The following ANK2 variants were observed in gnomAD, a reference collection of about 807,000 sequenced individuals.
The protein encoded by ANK2 is ankyrin-2.
Under a neutral mutation model 360.5 loss-of-function variants are expected in ANK2, and 83 were observed. The observed-to-expected ratio is 0.23, with a 90% confidence interval of 0.19 to 0.28. ANK2 has a LOEUF of 0.28. ANK2 is among the 10% of genes least tolerant of loss of function. The pLI is 1.00. For synonymous variants in ANK2, 1,740 were observed against 1,759.5 expected, an observed-to-expected ratio of 0.99 and a Z score of 0.28; for missense variants, 4,201 against 4,795.7, an observed-to-expected ratio of 0.88 and a Z score of 3.66.
intron 1 of ANK2, among the ~76,000 whole-genome samples, chr4:112,890,733 A>C (rs369591424): frequency 6.6e-6 from 1 of 151,700 alleles, no homozygotes; most frequent in African/African-American, 2.4e-5. Flanking sequence ...ATGCCAGGCT[A>C]ATTTTGTATT....
At chr4:113,374,801 C>A in intron 45 of ANK2, 1 of 1,218,092 alleles carries the variant, frequency 8.2e-7, no homozygotes, top group Non-Finnish European at 1.1e-6. Context: ...TCCAGTACCT[C>A]ACAATTTCAG....
the ANK2 span, among the ~76,000 whole-genome samples, chr4:112,764,560 T>G: frequency 6.6e-6 from 1 of 152,152 alleles, no homozygotes; most frequent in Admixed American, 6.5e-5. Context: ...GGTCTTGAAC[T>G]TCTGACCTCA....
intron 18 of ANK2, among the ~76,000 whole-genome samples, chr4:113,284,523 C>T (rs552084715): frequency 6.6e-6 from 1 of 152,270 alleles, no homozygotes; most frequent in East Asian, 1.9e-4. Flanking sequence ...TCACTATGTC[C>T]TCCTTTACGG....
At chr4:113,108,495 T>C (rs1024448529) in intron 1 of ANK2, among the ~76,000 whole-genome samples, 2 of 152,198 alleles carry the variant, frequency 1.3e-5, no homozygotes, top group Admixed American at 1.3e-4. Context: ...TGACTCTTGC[T>C]GAGCATATAA....
intron 1 of ANK2, among the ~76,000 whole-genome samples, chr4:112,895,443 C>T (rs2081439768): frequency 6.6e-6 from 1 of 152,056 alleles, no homozygotes; most frequent in Non-Finnish European, 1.5e-5. Context: ...CATTAGTGAC[C>T]ATCAGGATTA....
intron 2 of ANK2, among the ~76,000 whole-genome samples, chr4:113,022,439 A>T (rs148225186): frequency 1.3e-5 from 2 of 152,144 alleles, no homozygotes; most frequent in African/African-American, 2.4e-5. Flanking sequence ...ACAGTGACTT[A>T]GAATGGTTTA....
chr4:113,041,794 A>C (rs2063022246), intron 2 of ANK2, among the ~76,000 whole-genome samples: 1 of 152,146 alleles, frequency 6.6e-6, no homozygotes, highest in Non-Finnish European at 1.5e-5. Flanking sequence ...GTGCAGGCAG[A>C]GTCAGTGTCT....
chr4:113,311,505 CT>C, intron 24 of ANK2, 106 bp downstream of exon 24: 1 of 1,369,438 alleles, frequency 7.3e-7, no homozygotes, highest in Non-Finnish European at 1.0e-6. Context: ...TAATAGGTAC[CT>C]TATTAATCTC....
Position 112,973,281 on chromosome 4 carries a change from G to A in ANK2, c.21+68767G>A, listed in dbSNP as rs2040229319. Among the ~76,000 whole-genome samples the A allele has an allele frequency of 2.0e-5, 3 of 151,622 alleles. No homozygotes were observed. In the South Asian group the frequency reaches 6.3e-4, roughly 32 times the overall value. On this transcript the variant is annotated intron_variant, in intron 2 of 30. Transcript: ENST00000503271. Reference sequence around the variant, plus strand: ...TTCATGATTTTATTTTGAAAATTAAGAAGATGCAGTTTAATTTTCACAAAA... The same window carrying A: ...TTCATGATTTTATTTTGAAAATTAAAAAGATGCAGTTTAATTTTCACAAAA...
the ANK2 span, among the ~76,000 whole-genome samples, chr4:112,748,048 T>C: frequency 6.6e-6 from 1 of 152,210 alleles, no homozygotes; most frequent in Non-Finnish European, 1.5e-5. Context: ...AAAAGCTGTT[T>C]TCATACATTT....
At chr4:112,824,138 T>A (rs917330495) in intron 1 of ANK2, among the ~76,000 whole-genome samples, 5 of 41,194 alleles carry the variant, frequency 1.2e-4, no homozygotes, top group Non-Finnish European at 2.1e-4. Flanking sequence ...GTCTTCAGCA[T>A]CTATCTATCT....
At chr4:112,899,363 A>T (rs557142367) in intron 1 of ANK2, among the ~76,000 whole-genome samples, 12 of 152,200 alleles carry the variant, frequency 7.9e-5, no homozygotes. Flanking sequence ...ATAATTTTAA[A>T]CTATTTATAA....
At chr4:113,311,878 C>T (rs1452133306) in intron 24 of ANK2, among the ~76,000 whole-genome samples, 1 of 152,114 alleles carries the variant, frequency 6.6e-6, no homozygotes, top group Non-Finnish European at 1.5e-5. Context: ...CTGCCTGGAA[C>T]TGACTTTTTC....
the ANK2 span, chr4:112,706,863 C>T: frequency 6.6e-6 from 1 of 152,192 alleles, no homozygotes; most frequent in Non-Finnish European, 1.5e-5. Context: ...ATGCACGTTT[C>T]TTTGACTGTT....
chr4:113,192,077 A>T (rs1020267232), intron 2 of ANK2, among the ~76,000 whole-genome samples: 1 of 152,112 alleles, frequency 6.6e-6, no homozygotes, highest in African/African-American at 2.4e-5. Flanking sequence ...TTTTTAAAAA[A>T]TTTTACTTTA....
chr4:113,000,683 A>C (rs960098866), intron 2 of ANK2, among the ~76,000 whole-genome samples: 7 of 152,240 alleles, frequency 4.6e-5, no homozygotes, highest in Non-Finnish European at 1.0e-4. Flanking sequence ...TGAGTAAACA[A>C]GGAAAACTAG....
the ANK2 span, among the ~76,000 whole-genome samples, chr4:112,765,728 A>G: frequency 6.6e-6 from 1 of 151,024 alleles, no homozygotes; most frequent in East Asian, 1.9e-4. Context: ...GAGCTCTAAA[A>G]TTCCTAACTC....
chr4:112,880,534 T>G (rs2076412749), intron 1 of ANK2: 1 of 152,220 alleles, frequency 6.6e-6, no homozygotes, highest in Non-Finnish European at 1.5e-5. Context: ...CATACCATTG[T>G]GCAGAGTGTG....
intron 31 of ANK2, 141 bp from the exon 32 acceptor site, chr4:113,339,085 G>T: frequency 1.4e-6 from 1 of 709,340 alleles, no homozygotes; most frequent in Non-Finnish European, 2.5e-6. Context: ...TTTTTAGCAT[G>T]TAGATTTTAG....
Sources: gnomAD v4.1 joint callset for allele counts (sites outside exome capture counted in the v4.1 genomes callset) on GRCh38, gnomAD v4.1.1 for gene constraint, MANE v1.5 for transcripts, NCBI Gene and HGNC (gene_info 2026-07-23, HGNC 2026-07-21) for gene names.